The following PARS2 variants were observed in gnomAD, a reference collection of about 807,000 sequenced individuals.
PARS2 encodes probable proline--tRNA ligase, mitochondrial.
PARS2 carries 20 observed loss-of-function variants against 27.4 expected under a neutral mutation model. The ratio of observed to expected loss-of-function variants is 0.73; its 90% CI spans 0.51 to 1.06. The LOEUF is 1.06. PARS2 is among the 50% of genes least tolerant of loss of function. The pLI, the probability that PARS2 is intolerant of heterozygous loss-of-function variation, is 0.00. For synonymous variants in PARS2, 240 were observed against 247.1 expected, an observed-to-expected ratio of 0.97 and a Z score of 0.27; for missense variants, 585 against 602.1, an observed-to-expected ratio of 0.97 and a Z score of 0.30.
At position 54,758,260 on chromosome 1, in the gene PARS2, T is replaced by C; in HGVS notation, c.902A>G (p.Lys301Arg). Reference sequence around the variant, plus strand: ...GTGCCCCACCTCAATGCCTTTGGTTTTAGTCAATGGGCCCTGGCAAGCAGG... The same window carrying C: ...GTGCCCCACCTCAATGCCTTTGGTTCTAGTCAATGGGCCCTGGCAAGCAGG... ...NCPACQGPLTKTKGIEVGHTF... is the reference protein window; with the variant it reads ...NCPACQGPLTRTKGIEVGHTF... The change falls in exon 2 of 2, where the codon AAA becomes AGA. Residue 301 changes from lysine to arginine, a missense_variant. Physicochemically the swap from Lys to Arg is conservative, Grantham distance 26. Coordinates refer to ENST00000371279, the MANE Select transcript of PARS2 (RefSeq NM_152268.4). 6.8e-6 allele frequency: 11 copies of C among 1,614,152 alleles called. No individual in the cohort carries two copies. Among genetic ancestry groups the C allele is most frequent in the Non-Finnish European group, 6.8e-6 (8 of 1,180,020 alleles).
chr1:54,759,178 G>T lies in PARS2; in HGVS notation c.-17C>A, dbSNP rs1457092689. 1.9e-6 allele frequency: 3 copies of T among 1,559,298 alleles called. No individual in the cohort carries two copies. The East Asian group carries it at 6.8e-5, about 35-fold the overall frequency. ...CCCTTCCATGACACCCTGGCACCGG[G>T]AAGCACAGGCACCTGAGGAAAAATG... On this transcript the variant is annotated 5_prime_UTR_variant, in exon 2 of 2. Coordinates refer to ENST00000371279, the MANE Select transcript of PARS2 (RefSeq NM_152268.4).
Position 54,759,000 on chromosome 1 carries a change from G to T in PARS2, c.162C>A (p.Asp54Glu). ...RVFQPQNLRE[D>E]RVLSLQDKSD... ...ATTTGTCCTGCAGGGAGAGCACCCG[G>T]TCTTCCCGAAGGTTCTGTGGCTGGA... Residue 54 changes from aspartate (D) to glutamate (E), a missense_variant, in exon 2 of 2, where the codon GAC becomes GAA. Coordinates refer to ENST00000371279, the MANE Select transcript of PARS2 (RefSeq NM_152268.4). The T allele has an allele frequency of 6.2e-7, 1 of 1,614,178 alleles. No homozygotes were observed. The highest frequency in any genetic ancestry group is 8.5e-7 in the Non-Finnish European group (1 of 1,180,022).
At chr1:54,762,323 C>G (rs1385356508) in intron 1 of PARS2, among the ~76,000 whole-genome samples, 1 of 152,072 alleles carries the variant, frequency 6.6e-6, no homozygotes, top group Non-Finnish European at 1.5e-5. Flanking sequence ...ATTTTTAGTA[C>G]AGACAGAGTT....
chr1:54,764,108 T>C (rs1646172247), intron 1 of PARS2, among the ~76,000 whole-genome samples: 1 of 152,218 alleles, frequency 6.6e-6, no homozygotes, highest in African/African-American at 2.4e-5. Context: ...TCGGTGACCC[T>C]GGACCACTCA....
At chr1:54,761,029 C>T (rs1239161539) in intron 1 of PARS2, among the ~76,000 whole-genome samples, 4 of 152,198 alleles carry the variant, frequency 2.6e-5, no homozygotes, top group African/African-American at 7.2e-5. Flanking sequence ...CCAACTGCCT[C>T]GGCCTCCCAA....
rs765591667 is a variant in PARS2, at chr1:54,758,354, G to C, written c.808C>G (p.Leu270Val). ...AAGCTGCAGCGGGGACAGATGGCAA[G>C]CCGGTCCTCTCCAATATCCACTGGG... ...QLPVDIGEDR[L>V]AICPRCSFSA... Residue 270 changes from leucine (L) to valine (V), a missense_variant, in exon 2 of 2, where the codon CTT (leucine) becomes GTT (valine). Coordinates refer to ENST00000371279, the MANE Select transcript of PARS2 (RefSeq NM_152268.4). The C allele has an allele frequency of 3.1e-6, 5 of 1,614,186 alleles. No homozygotes were observed. Among genetic ancestry groups the C allele is most frequent in the Middle Eastern group, 1.6e-4 (1 of 6,062 alleles).
At position 54,758,457 on chromosome 1, in the gene PARS2, G is replaced by A; in HGVS notation, c.705C>T (p.Asn235=). 6.2e-7 allele frequency: 1 copy of A among 1,614,122 alleles called. No homozygotes were observed. Among genetic ancestry groups the A allele is most frequent in the Non-Finnish European group, 8.5e-7 (1 of 1,180,006 alleles). Residue 235 remains asparagine, a synonymous_variant, in exon 2 of 2, where the codon AAC becomes AAT. Coordinates refer to ENST00000371279, the MANE Select transcript of PARS2 (RefSeq NM_152268.4). The part of the protein sequence containing the change: ...LVCDAYCSLF[N]KLGLPFVKVQ... The stretch of plus-strand genomic sequence containing the variant: ...CCTTGACAAATGGCAGCCCTAGCTT[G>A]TTGAACAGGCTGCAGTAGGCATCAC...
rs75938858 is a variant in PARS2, at chr1:54,759,614, T to C, written c.-29-424A>G. On this transcript the variant is annotated intron_variant, in intron 1 of 1. Transcript: ENST00000371279. ...GGCTTATTGTGGACACTTAGAAGAG[T>C]TATAAAAGTTCTTGGAACAGTATCT... 9.5e-3 allele frequency among the ~76,000 whole-genome samples: 1,447 copies of C among 152,136 alleles called. 27 individuals carry two copies. Among genetic ancestry groups the C allele is most frequent in the African/African-American group, 0.032 (1,343 of 41,516 alleles).
Position 54,756,958 on chromosome 1 carries a change from AC to A in PARS2, c.*775del, listed in dbSNP as rs1476162678. 3 of 152,212 alleles carry A rather than the reference AC, an allele frequency of 2.0e-5. No homozygotes were observed. Among genetic ancestry groups the A allele is most frequent in the African/African-American group, 7.2e-5 (3 of 41,464 alleles). 9.4% of individuals were successfully genotyped at this position (152,212 alleles called of 1,614,324 possible). ...GGATCTCAGTGGTTAAGCCGTCTTA[AC>A]AGGGCCAGGTCTCTTGAGGTAGTTT... On this transcript the variant is annotated 3_prime_UTR_variant, in exon 2 of 2. Coordinates refer to ENST00000371279, the MANE Select transcript of PARS2 (RefSeq NM_152268.4).
intron 1 of PARS2, among the ~76,000 whole-genome samples, chr1:54,763,458 C>T (rs925592210): frequency 6.6e-6 from 1 of 151,992 alleles, no homozygotes; most frequent in African/African-American, 2.4e-5. Flanking sequence ...CGCATAATGC[C>T]TACTATTTAG....
chr1:54,758,465 G>A lies in PARS2; in HGVS notation c.697C>T (p.Leu233=). 1 of 1,614,096 alleles carries A rather than the reference G, an allele frequency of 6.2e-7. No individual in the cohort carries two copies. The highest frequency in any genetic ancestry group is 8.5e-7 in the Non-Finnish European group (1 of 1,179,986). Residue 233 remains leucine, a synonymous_variant, in exon 2 of 2, where the codon CTG becomes TTG. Transcript: ENST00000371279. ...YSLVCDAYCS[L]FNKLGLPFVK... is the part of the protein sequence containing the mutation. ...AATGGCAGCCCTAGCTTGTTGAACAGGCTGCAGTAGGCATCACACACCAGG... is the reference window on the plus strand; with the variant it reads ...AATGGCAGCCCTAGCTTGTTGAACAAGCTGCAGTAGGCATCACACACCAGG...
intron 1 of PARS2, among the ~76,000 whole-genome samples, chr1:54,759,822 A>C (rs1646143988): frequency 6.6e-6 from 1 of 152,142 alleles, no homozygotes; most frequent in Admixed American, 6.6e-5. Context: ...CCTGACCAAC[A>C]TGGCGAAACC....
In PARS2 at chr1:54,764,238, G is replaced by A. The variant is rs886819280; in HGVS notation, c.-30+223C>T. Among the ~76,000 whole-genome samples the A allele has an allele frequency of 3.9e-5, 6 of 152,340 alleles. No homozygotes were observed. In the East Asian group the frequency reaches 7.7e-4, roughly 20 times the overall value. On this transcript the variant is annotated intron_variant, in intron 1 of 1. Coordinates refer to ENST00000371279, the MANE Select transcript of PARS2 (RefSeq NM_152268.4). The stretch of plus-strand genomic sequence containing the variant: ...GAACTGTGTGACTCTCACGACGACC[G>A]AGGGAGAGACCAGGAAGTGCTGCCC...
At chr1:54,764,315 A>T (rs1646173881) in intron 1 of PARS2, 146 bp downstream of exon 1, 1 of 152,340 alleles carries the variant, frequency 6.6e-6, no homozygotes. Context: ...AGTTTATGGG[A>T]TTCTCGCCCG....
chr1:54,758,557 C>G lies in PARS2; in HGVS notation c.605G>C (p.Arg202Pro), dbSNP rs770966124. The change falls in exon 2 of 2, where the codon CGA (arginine) becomes CCA (proline). Residue 202 changes from arginine (R) to proline (P), a missense_variant. Physicochemically the swap from Arg to Pro is moderately radical, Grantham distance 103. Coordinates refer to ENST00000371279, the MANE Select transcript of PARS2 (RefSeq NM_152268.4). ...PRPRFGLLRG[R>P]EFYMKDMYTF... ...GTACATATCCTTCATGTAAAACTCTCGGCCACGGAGAAGACCAAAGCGGGG... is the reference window on the plus strand; with the variant it reads ...GTACATATCCTTCATGTAAAACTCTGGGCCACGGAGAAGACCAAAGCGGGG... The G allele has an allele frequency of 6.2e-7, 1 of 1,614,098 alleles. No homozygotes were observed. The highest frequency in any genetic ancestry group is 1.3e-5 in the African/African-American group (1 of 74,930).
chr1:54,758,150 C>A lies in PARS2; in HGVS notation c.1012G>T (p.Gly338Trp), dbSNP rs1168318248. 1 of 1,614,196 alleles carries A rather than the reference C, an allele frequency of 6.2e-7. No individual in the cohort carries two copies. Among genetic ancestry groups the A allele is most frequent in the Non-Finnish European group, 8.5e-7 (1 of 1,180,032 alleles). Residue 338 changes from glycine (G) to tryptophan (W), a missense_variant, in exon 2 of 2, where the codon GGG (glycine) becomes TGG (tryptophan). Coordinates refer to ENST00000371279, the MANE Select transcript of PARS2 (RefSeq NM_152268.4). ...VCGKPTLAEM[G>W]CYGLGVTRIL... ...CGTGTCACACCCAAGCCATAGCACCCCATTTCAGCCAGGGTTGGTTTGCCA... is the reference window on the plus strand; with the variant it reads ...CGTGTCACACCCAAGCCATAGCACCACATTTCAGCCAGGGTTGGTTTGCCA...
rs957295551 is a variant in PARS2 at position 54,758,583 on chromosome 1, C to A, written c.579G>T (p.Arg193Ser). Residue 193 changes from arginine (R) to serine (S), a missense_variant, in exon 2 of 2, where the codon AGG (arginine) becomes AGT (serine). Coordinates refer to ENST00000371279, the MANE Select transcript of PARS2 (RefSeq NM_152268.4). ...GGCCACGGAGAAGACCAAAGCGGGG[C>A]CTGGGCTCATCCCGAAACTTCCTTG... The part of the protein sequence containing the change: ...QVTRKFRDEP[R>S]PRFGLLRGRE... 3.7e-6 allele frequency: 6 copies of A among 1,614,206 alleles called. No homozygotes were observed. Among genetic ancestry groups the A allele is most frequent in the Non-Finnish European group, 4.2e-6 (5 of 1,180,038 alleles).
In PARS2 at chr1:54,758,182, T is replaced by A; in HGVS notation, c.980A>T (p.Asn327Ile). The change falls in exon 2 of 2, where the codon AAT becomes ATT. Residue 327 changes from asparagine to isoleucine, a missense_variant. By Grantham distance (149) the Asn-to-Ile change is moderately radical. Coordinates refer to ENST00000371279, the MANE Select transcript of PARS2 (RefSeq NM_152268.4). ...YSSIFNAQFT[N>I]VCGKPTLAEM... is the part of the protein sequence containing the mutation. Reference sequence around the variant, plus strand: ...AGCCAGGGTTGGTTTGCCACAGACATTGGTAAACTGGGCATTGAAAATGGA... The same window carrying A: ...AGCCAGGGTTGGTTTGCCACAGACAATGGTAAACTGGGCATTGAAAATGGA... 1 of 1,614,172 alleles carries A rather than the reference T, an allele frequency of 6.2e-7. No individual in the cohort carries two copies. The highest frequency in any genetic ancestry group is 8.5e-7 in the Non-Finnish European group (1 of 1,180,014).
intron 1 of PARS2, among the ~76,000 whole-genome samples, chr1:54,759,627 T>G (rs913985437): frequency 1.3e-5 from 2 of 152,188 alleles, no homozygotes; most frequent in African/African-American, 4.8e-5. Context: ...TAAAAGTTCT[T>G]GGAACAGTAT....
Sources: allele counts gnomAD v4.1 joint callset (sites outside exome capture counted in the v4.1 genomes callset), GRCh38; gene constraint gnomAD v4.1.1; transcripts MANE v1.5; gene names NCBI Gene and HGNC (gene_info 2026-07-23, HGNC 2026-07-21).